Variants in RFX3 observed in about 807,000 individuals in gnomAD.
RFX3 encodes transcription factor RFX3.
A neutral mutation model predicts 98.6 loss-of-function variants in RFX3; 14 were observed. The observed-to-expected ratio is 0.14, with a 90% confidence interval of 0.09 to 0.22. The LOEUF (loss-of-function observed/expected upper bound fraction) is 0.22. RFX3 is among the 10% of genes least tolerant of loss of function. RFX3 has a pLI of 1.00. For missense variants in RFX3, 639 were observed against 926.9 expected (o/e 0.69, Z 4.03); for synonymous variants, 383 against 328.4 (o/e 1.17, Z -1.80).
intron 6 of RFX3, among the ~76,000 whole-genome samples, chr9:3,291,312 C>T (rs1054929726): frequency 6.6e-6 from 1 of 152,096 alleles, no homozygotes; most frequent in African/African-American, 2.4e-5. Context: ...GCAGAGGTTG[C>T]AGTGAGCTGA....
At chr9:3,366,699 T>TTTCTTTCTTTCTTTCTTTCTTTCTTTC (rs1837168542) in intron 2 of RFX3, among the ~76,000 whole-genome samples, 1 of 98,512 alleles carries the variant, frequency 1.0e-5, no homozygotes, top group East Asian at 3.3e-4. Context: ...CTTTCCTTTC[T>TTTCTTTCTTTCTTTCTTTCTTTCTTTC]TTCTTTCTTT....
chr9:3,301,727 T>A lies in RFX3; in HGVS notation c.475-107A>T, dbSNP rs915302973. 44 of 737,336 alleles carry A rather than the reference T, an allele frequency of 6.0e-5. No homozygotes were observed. In the Middle Eastern group the frequency reaches 1.0e-3, roughly 17 times the overall value. The allele number at this position is 737,336 out of a possible 1,614,324, so 45.7% of individuals were successfully genotyped here. A position where few individuals can be genotyped will look rare whatever the true frequency, so the allele number is the denominator to read the frequency against. On this transcript the variant is annotated intron_variant, in intron 4 of 16. Coordinates refer to ENST00000617270, the MANE Select transcript of RFX3 (RefSeq NM_001282116.2). ...TAAAGTCCAACTTCTTCCTCAACGG[T>A]CGTTAATGAACAGTTGCCACTTAAT...
intron 11 of RFX3, among the ~76,000 whole-genome samples, chr9:3,268,451 A>T (rs543870789): frequency 6.6e-6 from 1 of 151,828 alleles, no homozygotes; most frequent in East Asian, 1.9e-4. Flanking sequence ...CAACCTGCTC[A>T]AGATTAATAC....
In RFX3 at chr9:3,224,117, CA is replaced by C. The variant is rs371376345; in HGVS notation, c.*924del. ...AGACCTGGAATAAAAGAAAGTCATC[CA>C]AATGGAATGGTTTCCTGTATGTCCA... On this transcript the variant is annotated 3_prime_UTR_variant, in exon 17 of 17. Transcript: ENST00000617270. The C allele has an allele frequency of 3.9e-5, 6 of 151,952 alleles. No homozygotes were observed. The highest frequency in any genetic ancestry group is 1.2e-4 in the African/African-American group (5 of 41,354). The allele number at this position is 151,952 out of a possible 1,614,324, so 9.4% of individuals were successfully genotyped here. A position where few individuals can be genotyped will look rare whatever the true frequency, so the allele number is the denominator to read the frequency against.
intron 1 of RFX3, among the ~76,000 whole-genome samples, chr9:3,497,811 C>T (rs534076548): frequency 6.6e-6 from 1 of 152,076 alleles, no homozygotes; most frequent in African/African-American, 2.4e-5. Flanking sequence ...ATTTTCTAAT[C>T]TGTTTAGGGC....
chr9:3,354,641 G>T (rs551242911), intron 2 of RFX3, among the ~76,000 whole-genome samples: 1 of 151,664 alleles, frequency 6.6e-6, no homozygotes, highest in Non-Finnish European at 1.5e-5. Flanking sequence ...AATGAAGAGA[G>T]GATCCTTTTT....
chr9:3,356,621 G>A (rs1835805796), intron 2 of RFX3, among the ~76,000 whole-genome samples: 1 of 151,824 alleles, frequency 6.6e-6, no homozygotes. Context: ...TCTCCCAACT[G>A]TTTTTATGAG....
At chr9:3,352,958 C>G (rs1414392735) in intron 2 of RFX3, among the ~76,000 whole-genome samples, 2 of 151,858 alleles carry the variant, frequency 1.3e-5, no homozygotes, top group South Asian at 2.1e-4. Flanking sequence ...AAATGTCCAA[C>G]AATGATAGAC....
At chr9:3,489,499 G>A (rs1219710896) in intron 1 of RFX3, 14 of 750,470 alleles carry the variant, frequency 1.9e-5, no homozygotes, top group Non-Finnish European at 2.3e-5. Context: ...GGGGAATTAT[G>A]ACATCAGCAG....
chr9:3,292,756 G>C (rs751967412), intron 6 of RFX3, among the ~76,000 whole-genome samples: 13 of 152,112 alleles, frequency 8.5e-5, no homozygotes, highest in Non-Finnish European at 1.3e-4. Context: ...GCGTGTGTGT[G>C]TGTATGTGTT....
At chr9:3,516,211 G>C (rs886812503) in intron 1 of RFX3, among the ~76,000 whole-genome samples, 1 of 151,968 alleles carries the variant, frequency 6.6e-6, no homozygotes, top group African/African-American at 2.4e-5. Context: ...ACCACGCCCA[G>C]CTAATTTTTT....
intron 1 of RFX3, among the ~76,000 whole-genome samples, chr9:3,525,209 C>A (rs544286507): frequency 2.6e-5 from 4 of 152,228 alleles, no homozygotes; most frequent in African/African-American, 9.6e-5. Context: ...ATAACAAAAC[C>A]CATAACAAGG....
intron 1 of RFX3, among the ~76,000 whole-genome samples, chr9:3,459,523 G>T (rs1847495632): frequency 6.6e-6 from 1 of 151,992 alleles, no homozygotes; most frequent in Non-Finnish European, 1.5e-5. Flanking sequence ...TTTACATTTG[G>T]ATGCAGTGAG....
At chr9:3,423,204 G>A (rs1843606018) in intron 1 of RFX3, among the ~76,000 whole-genome samples, 1 of 152,070 alleles carries the variant, frequency 6.6e-6, no homozygotes, top group Non-Finnish European at 1.5e-5. Flanking sequence ...TTTTCAAACG[G>A]TACAACCACT....
chr9:3,250,186 A>C (rs1235299881), intron 14 of RFX3, among the ~76,000 whole-genome samples: 1 of 151,996 alleles, frequency 6.6e-6, no homozygotes, highest in Non-Finnish European at 1.5e-5. Flanking sequence ...AAATAAAAAG[A>C]AAATGTTACA....
intron 1 of RFX3, among the ~76,000 whole-genome samples, chr9:3,492,585 G>A (rs1039459358): frequency 9.2e-5 from 14 of 152,128 alleles, no homozygotes; most frequent in African/African-American, 3.4e-4. Flanking sequence ...TCAACTCTAC[G>A]CCTACAGGGT....
chr9:3,330,653 A>C (rs1832485896), intron 3 of RFX3, 136 bp from the exon 4 acceptor site: 1 of 745,308 alleles, frequency 1.3e-6, no homozygotes, highest in South Asian at 1.9e-5. Context: ...TTTTGTACAA[A>C]ACTTCATTCC....
intron 1 of RFX3, among the ~76,000 whole-genome samples, chr9:3,465,412 T>C (rs559461939): frequency 6.6e-6 from 1 of 151,090 alleles, no homozygotes; most frequent in East Asian, 2.0e-4. Context: ...TACCTCAGCC[T>C]CCTTAGTAGC....
intron 14 of RFX3, among the ~76,000 whole-genome samples, chr9:3,250,780 AAGT>A (rs1250407206): frequency 6.6e-6 from 1 of 152,130 alleles, no homozygotes; most frequent in African/African-American, 2.4e-5. Flanking sequence ...AAGTAGACAT[AAGT>A]AGTAACATAC....
Sources: allele counts gnomAD v4.1 joint callset (sites outside exome capture counted in the v4.1 genomes callset), GRCh38; gene constraint gnomAD v4.1.1; transcripts MANE v1.5; gene names NCBI Gene and HGNC (gene_info 2026-07-23, HGNC 2026-07-21).